SLC9A4: variants seen among roughly 807,000 people sequenced by gnomAD.
SLC9A4 encodes the protein solute carrier family 9 member A4.
A neutral mutation model predicts 67.4 loss-of-function variants in SLC9A4; 63 were observed. That is an observed-to-expected ratio of 0.93 (90% CI 0.76 to 1.15). The LOEUF (loss-of-function observed/expected upper bound fraction) is 1.15. SLC9A4 is among the 50% of genes most tolerant of loss of function. SLC9A4 has a pLI of 0.00. For synonymous variants in SLC9A4, 393 were observed against 367.2 expected (o/e 1.07, Z -0.80); for missense variants, 1,089 against 987.7 (o/e 1.10, Z -1.38).
At chr2:102,502,096 T>C (rs1684953678) in intron 2 of SLC9A4, among the ~76,000 whole-genome samples, 1 of 151,826 alleles carries the variant, frequency 6.6e-6, no homozygotes, top group African/African-American at 2.4e-5. Context: ...AGATAGATGC[T>C]AAGAGGCAAG....
intron 4 of SLC9A4, among the ~76,000 whole-genome samples, chr2:102,506,565 G>A (rs996564037): frequency 6.6e-6 from 1 of 152,124 alleles, no homozygotes; most frequent in Non-Finnish European, 1.5e-5. Context: ...ATTATCACCG[G>A]CCTTATTACA....
At chr2:102,495,055 T>G (rs1684777335) in intron 2 of SLC9A4, among the ~76,000 whole-genome samples, 1 of 152,122 alleles carries the variant, frequency 6.6e-6, no homozygotes, top group African/African-American at 2.4e-5. Flanking sequence ...GCTTATGGTA[T>G]GCTTAATAAA....
chr2:102,506,583 T>C (rs1028078092), intron 4 of SLC9A4, among the ~76,000 whole-genome samples: 26 of 152,334 alleles, frequency 1.7e-4, no homozygotes, highest in African/African-American at 6.3e-4. Context: ...ACAAACTAGC[T>C]GTTTGATCTT....
intron 3 of SLC9A4, 73 bp from the exon 4 acceptor site, chr2:102,505,181 T>C: frequency 2.9e-6 from 4 of 1,389,720 alleles, no homozygotes; most frequent in Non-Finnish European, 2.0e-6. Context: ...TCTGTGGCAT[T>C]GCCTGTGGGG....
chr2:102,522,377 C>T (rs17027352), intron 9 of SLC9A4, among the ~76,000 whole-genome samples: 15,880 of 152,142 alleles, frequency 0.1, 1,048 homozygotes, highest in African/African-American at 0.18. Flanking sequence ...GTGGGAAATG[C>T]AAGCTCCACT....
chr2:102,503,390 CAA>C lies in SLC9A4; in HGVS notation c.721-56_721-55del. ...AGACACAAAGCTGAGAATGTGCATG[CAA>C]AGTGTTCCTAGTTTCTATTCATAAT... is the stretch of plus-strand genomic sequence containing the variant. On this transcript the variant is annotated intron_variant, in intron 2 of 11. Transcript: ENST00000295269. 6 of 1,433,126 alleles carry C rather than the reference CAA, an allele frequency of 4.2e-6. No homozygotes were observed. The South Asian group carries it at 8.7e-5, about 21-fold the overall frequency. The allele number at this position is 1,433,126 out of a possible 1,614,324, so 88.8% of individuals were successfully genotyped here. A position where few individuals can be genotyped will look rare whatever the true frequency, so the allele number is the denominator to read the frequency against.
chr2:102,481,241 A>G (rs1034424299), intron 2 of SLC9A4, among the ~76,000 whole-genome samples: 2 of 152,234 alleles, frequency 1.3e-5, no homozygotes, highest in African/African-American at 4.8e-5. Context: ...AAGATTTTCC[A>G]GAAAGCCTTT....
At position 102,473,656 on chromosome 2, in the gene SLC9A4, T is replaced by TAG. The variant is rs544930043; in HGVS notation, c.-104_-103insAG. On this transcript the variant is annotated 5_prime_UTR_variant, in exon 1 of 12. Coordinates refer to ENST00000295269, the MANE Select transcript of SLC9A4 (RefSeq NM_001011552.4). ...GGAGGACCCACAGACTGTACCTATA[T>TAG]TACTTTTGACCCAGGTGGATGCAGT... is the stretch of plus-strand genomic sequence containing the variant. The TAG allele has an allele frequency of 1.3e-4, 187 of 1,436,922 alleles. No individual in the cohort carries two copies. In the East Asian group the frequency reaches 3.1e-3, roughly 24 times the overall value. The allele number at this position is 1,436,922 out of a possible 1,614,324, so 89.0% of individuals were successfully genotyped here. A position where few individuals can be genotyped will look rare whatever the true frequency, so the allele number is the denominator to read the frequency against.
intron 2 of SLC9A4, among the ~76,000 whole-genome samples, chr2:102,489,860 G>T (rs926735130): frequency 6.6e-6 from 1 of 152,136 alleles, no homozygotes; most frequent in African/African-American, 2.4e-5. Context: ...TTCTTAGTTG[G>T]TTTCCTTTTG....
chr2:102,488,421 C>A (rs1468690221), intron 2 of SLC9A4, among the ~76,000 whole-genome samples: 1 of 152,128 alleles, frequency 6.6e-6, no homozygotes, highest in African/African-American at 2.4e-5. Context: ...AGGGAGGAAG[C>A]CATTGACCCT....
chr2:102,473,386 C>A lies in SLC9A4; in HGVS notation c.-374C>A, dbSNP rs1684261387. 1 of 222,036 alleles carries A rather than the reference C, an allele frequency of 4.5e-6. No homozygotes were observed. Among genetic ancestry groups the A allele is most frequent in the East Asian group, 1.2e-4 (1 of 8,592 alleles). 13.8% of individuals were successfully genotyped at this position (222,036 alleles called of 1,614,324 possible). A position where few individuals can be genotyped will look rare whatever the true frequency, so the allele number is the denominator to read the frequency against. ...CTACAGTATCCTTTTAAATTTTCACCCACAAGACAAAGCCAGTATGCAGTG... is the reference window on the plus strand; with the variant it reads ...CTACAGTATCCTTTTAAATTTTCACACACAAGACAAAGCCAGTATGCAGTG... On this transcript the variant is annotated 5_prime_UTR_variant, in exon 1 of 12. Coordinates refer to ENST00000295269, the MANE Select transcript of SLC9A4 (RefSeq NM_001011552.4).
intron 2 of SLC9A4, among the ~76,000 whole-genome samples, chr2:102,502,865 C>T (rs1684971142): frequency 6.6e-6 from 1 of 152,188 alleles, no homozygotes; most frequent in Non-Finnish European, 1.5e-5. Flanking sequence ...ACATGTGGCA[C>T]GTGGGTCATG....
chr2:102,500,076 T>C (rs1466645105), intron 2 of SLC9A4, among the ~76,000 whole-genome samples: 2 of 152,190 alleles, frequency 1.3e-5, no homozygotes, highest in Non-Finnish European at 2.9e-5. Context: ...CTGGAAACAG[T>C]GTCTTTACAG....
Position 102,474,090 on chromosome 2 carries a change from A to T in SLC9A4, c.256+75A>T. 2.6e-6 allele frequency: 4 copies of T among 1,520,482 alleles called. No individual in the cohort carries two copies. The South Asian group carries it at 3.8e-5, about 14-fold the overall frequency. 94.2% of individuals were successfully genotyped at this position (1,520,482 alleles called of 1,614,324 possible). A position where few individuals can be genotyped will look rare whatever the true frequency, so the allele number is the denominator to read the frequency against. ...GTGAATGTGAAAATGCCTTATAGAT[A>T]ACGGGCTAAGAGGATTTTAACTGTT... On this transcript the variant is annotated intron_variant, in intron 1 of 11. Transcript: ENST00000295269.
intron 2 of SLC9A4, among the ~76,000 whole-genome samples, chr2:102,484,453 T>C (rs1684542267): frequency 6.6e-6 from 1 of 152,138 alleles, no homozygotes; most frequent in Non-Finnish European, 1.5e-5. Flanking sequence ...ATTGGGATAA[T>C]GACATTCTTC....
intron 10 of SLC9A4, 70 bp downstream of exon 10, chr2:102,525,225 T>G: frequency 6.3e-7 from 1 of 1,593,650 alleles, no homozygotes; most frequent in Non-Finnish European, 8.6e-7. Flanking sequence ...AGCCTGTTCC[T>G]GTACAGGATC....
At chr2:102,507,606 A>G (rs1179306215) in intron 4 of SLC9A4, among the ~76,000 whole-genome samples, 1 of 152,152 alleles carries the variant, frequency 6.6e-6, no homozygotes, top group Non-Finnish European at 1.5e-5. Context: ...ATTTGATTGT[A>G]GAGACCACGG....
intron 3 of SLC9A4, among the ~76,000 whole-genome samples, chr2:102,504,485 T>C (rs1364216129): frequency 6.6e-6 from 1 of 152,226 alleles, no homozygotes; most frequent in Non-Finnish European, 1.5e-5. Context: ...CTTGCTCTAA[T>C]GAAAATATTT....
At chr2:102,493,842 A>T (rs577912698) in intron 2 of SLC9A4, among the ~76,000 whole-genome samples, 1 of 151,928 alleles carries the variant, frequency 6.6e-6, no homozygotes, top group Admixed American at 6.5e-5. Flanking sequence ...TTGTGACAGA[A>T]AAAACAGTTA....
Sources: allele counts gnomAD v4.1 joint callset (sites outside exome capture counted in the v4.1 genomes callset), GRCh38; gene constraint gnomAD v4.1.1; transcripts MANE v1.5; gene names NCBI Gene and HGNC (gene_info 2026-07-23, HGNC 2026-07-21).